The following CCDC102B variants were observed in gnomAD, a reference collection of about 807,000 sequenced individuals.
CCDC102B encodes the protein coiled-coil domain-containing protein 102B.
Under a neutral mutation model 57.4 loss-of-function variants are expected in CCDC102B, and 75 were observed. The observed-to-expected ratio is 1.31, with a 90% confidence interval of 1.08 to 1.58. CCDC102B has a LOEUF of 1.58. Among genes scored for constraint, CCDC102B ranks in the 40% most tolerant of loss-of-function variants. The pLI, the probability that CCDC102B is intolerant of heterozygous loss-of-function variation, is 0.00. For missense variants in CCDC102B, 636 were observed against 582.6 expected, an observed-to-expected ratio of 1.09 and a Z score of -0.94; for synonymous variants, 206 against 201.9, an observed-to-expected ratio of 1.02 and a Z score of -0.17.
chr18:68,769,250 C>A (rs963975180), intron 2 of CCDC102B, among the ~76,000 whole-genome samples: 1 of 148,188 alleles, frequency 6.7e-6, no homozygotes, highest in Non-Finnish European at 1.5e-5. Context: ...TGAAACTCCA[C>A]CTCGAAAAAA....
intron 4 of CCDC102B, among the ~76,000 whole-genome samples, chr18:68,870,216 G>C (rs1292530753): frequency 6.6e-6 from 1 of 152,066 alleles, no homozygotes; most frequent in Non-Finnish European, 1.5e-5. Context: ...GGGGAAAGGG[G>C]AGTGAGAGCA....
At chr18:68,724,401 C>T (rs540188388) in intron 2 of CCDC102B, among the ~76,000 whole-genome samples, 186 of 152,284 alleles carry the variant, frequency 1.2e-3, no homozygotes, top group African/African-American at 4.0e-3. Context: ...CTTTTCTATC[C>T]TATCGTCAGG....
At chr18:69,049,108 G>T (rs566892469) in intron 7 of CCDC102B, among the ~76,000 whole-genome samples, 15 of 151,480 alleles carry the variant, frequency 9.9e-5, no homozygotes, top group African/African-American at 2.4e-4. Context: ...TGTTACATAG[G>T]TATACACGTG....
intron 2 of CCDC102B, among the ~76,000 whole-genome samples, chr18:68,750,652 C>T (rs746713981): frequency 6.6e-5 from 10 of 151,894 alleles, no homozygotes; most frequent in Non-Finnish European, 1.5e-4. Context: ...TTTGTAGGGA[C>T]ATGGATGAAG....
intron 1 of CCDC102B, among the ~76,000 whole-genome samples, chr18:68,833,358 A>G (rs2037224854): frequency 6.7e-6 from 1 of 148,320 alleles, no homozygotes. Context: ...ATTTTTGTAA[A>G]TTTCATTTTT....
At chr18:68,768,108 A>G (rs2034525925) in intron 2 of CCDC102B, among the ~76,000 whole-genome samples, 1 of 152,196 alleles carries the variant, frequency 6.6e-6, no homozygotes, top group South Asian at 2.1e-4. Flanking sequence ...TAGCATTACA[A>G]ATCCATTCTC....
intron 7 of CCDC102B, among the ~76,000 whole-genome samples, chr18:69,037,615 A>C (rs181645892): frequency 1.3e-5 from 2 of 152,032 alleles, no homozygotes; most frequent in African/African-American, 4.8e-5. Context: ...ATTTATGAGA[A>C]GGTTAACAAA....
chr18:68,810,680 G>GTT (rs61714863), intron 1 of CCDC102B, among the ~76,000 whole-genome samples: 1,221 of 76,972 alleles, frequency 0.016, 50 homozygotes, highest in Non-Finnish European at 0.019. Flanking sequence ...TCTTTTCTTT[G>GTT]TTTTTTTTTT....
At chr18:68,910,357 A>C (rs145522952) in intron 6 of CCDC102B, among the ~76,000 whole-genome samples, 247 of 152,316 alleles carry the variant, frequency 1.6e-3, no homozygotes, top group African/African-American at 5.8e-3. Context: ...CATGGAGAGC[A>C]ACTCTTTTTA....
At chr18:68,809,920 T>C (rs1213296656) in intron 1 of CCDC102B, among the ~76,000 whole-genome samples, 3 of 152,188 alleles carry the variant, frequency 2.0e-5, no homozygotes, top group African/African-American at 7.2e-5. Context: ...TGTTTGTCTC[T>C]TGCTTTGCTT....
chr18:69,054,136 A>C lies in CCDC102B; in HGVS notation c.1541A>C (p.Ter514SerextTer7). The C allele has an allele frequency of 1.3e-6, 2 of 1,592,470 alleles. No individual in the cohort carries two copies. Among genetic ancestry groups the C allele is most frequent in the Non-Finnish European group, 1.7e-6 (2 of 1,173,286 alleles). Residue 514 changes from the stop codon to serine (S), a stop_lost, in exon 8 of 8, where the codon TAA becomes TCA. Coordinates refer to ENST00000360242, the MANE Select transcript of CCDC102B (RefSeq NM_024781.3). ...ETELRHLQNW[*>S] Reference sequence around the variant, plus strand: ...GAACTCAGGCACTTGCAAAACTGGTAATTTTTTCACAAAATATGCTGAATT... The same window carrying C: ...GAACTCAGGCACTTGCAAAACTGGTCATTTTTTCACAAAATATGCTGAATT...
rs571287564 is a variant in CCDC102B at position 68,781,038 on chromosome 18, CTAAT to C, written c.-66-42324_-66-42321del. 3.5e-3 allele frequency among the ~76,000 whole-genome samples: 539 copies of C among 152,112 alleles called. 2 individuals carry two copies. Among genetic ancestry groups the C allele is most frequent in the African/African-American group, 0.012 (509 of 41,506 alleles). On this transcript the variant is annotated intron_variant, in intron 2 of 3. Transcript: ENST00000578970. ...ACATTCAGATTAGTTCATCTTGCAA[CTAAT>C]TAAGCATAGATAAGCATAACTTATC... is the stretch of plus-strand genomic sequence containing the variant.
Position 69,010,975 on chromosome 18 carries a change from A to G in CCDC102B, c.1305A>G (p.Arg435=), listed in dbSNP as rs772716368. The part of the protein sequence containing the change: ...NLQHAYYKLN[R]QYQANIAELT... ...AACATGCCTACTATAAACTAAACAG[A>G]CAATACCAGGCAAATATTGCAGAAC... is the stretch of plus-strand genomic sequence containing the variant. Residue 435 remains arginine (R), a synonymous_variant, in exon 7 of 8, where the codon AGA becomes AGG. Coordinates refer to ENST00000360242, the MANE Select transcript of CCDC102B (RefSeq NM_024781.3). 2.5e-5 allele frequency: 40 copies of G among 1,613,006 alleles called. No individual in the cohort carries two copies. The highest frequency in any genetic ancestry group is 3.2e-5 in the Non-Finnish European group (38 of 1,179,406).
intron 2 of CCDC102B, among the ~76,000 whole-genome samples, chr18:68,720,581 C>T (rs72955920): frequency 6.8e-4 from 104 of 152,306 alleles, no homozygotes; most frequent in African/African-American, 9.6e-4. Flanking sequence ...AGAAGCTAGA[C>T]GCTTTCACAT....
chr18:69,055,232 T>G (rs2052796485), downstream of CCDC102B: 3 of 825,022 alleles, frequency 3.6e-6, no homozygotes, highest in South Asian at 5.6e-5. Context: ...TCTTCACTTT[T>G]TCCCTGTTTC....
At chr18:68,874,461 A>AT (rs5825879) in intron 4 of CCDC102B, among the ~76,000 whole-genome samples, 46,789 of 150,560 alleles carry the variant, frequency 0.31, 7,633 homozygotes, top group South Asian at 0.41. Context: ...AGATTTGCTG[A>AT]TTTTTTTTTA....
At position 68,846,931 on chromosome 18, in the gene CCDC102B, C is replaced by G. The variant is rs553898028; in HGVS notation, c.936+510C>G. Among the ~76,000 whole-genome samples, 3 of 151,798 alleles carry G rather than the reference C, an allele frequency of 2.0e-5. No homozygotes were observed. In the East Asian group the frequency reaches 5.8e-4, roughly 29 times the overall value. ...CGACATTGTAGTTATTTGGGATCAGCCACTTGCCAGGGTACTTTTCTTTTG... is the reference window on the plus strand; with the variant it reads ...CGACATTGTAGTTATTTGGGATCAGGCACTTGCCAGGGTACTTTTCTTTTG... On this transcript the variant is annotated intron_variant, in intron 4 of 7. Coordinates refer to ENST00000360242, the MANE Select transcript of CCDC102B (RefSeq NM_024781.3).
intron 4 of CCDC102B, among the ~76,000 whole-genome samples, chr18:68,858,085 C>T (rs79241314): frequency 6.6e-6 from 1 of 152,280 alleles, no homozygotes; most frequent in East Asian, 1.9e-4. Context: ...TTGCCATAGA[C>T]CTGAAGACAT....
intron 6 of CCDC102B, among the ~76,000 whole-genome samples, chr18:68,956,466 T>A (rs2049878585): frequency 8.8e-5 from 1 of 11,330 alleles, no homozygotes; most frequent in Non-Finnish European, 1.6e-4. Flanking sequence ...ATATTTTATA[T>A]ATATATTATA....
Sources: gnomAD v4.1 joint callset for allele counts (sites outside exome capture counted in the v4.1 genomes callset) on GRCh38, gnomAD v4.1.1 for gene constraint, MANE v1.5 for transcripts, NCBI Gene and HGNC (gene_info 2026-07-23, HGNC 2026-07-21) for gene names.